FAN1: variants seen among roughly 807,000 people sequenced by gnomAD.
FAN1 encodes FANCD2 and FANCI associated nuclease 1, also known as fanconi-associated nuclease 1.
In FAN1, 91 loss-of-function variants were observed where a neutral mutation model predicts 104.9. The observed-to-expected ratio is 0.87, with a 90% confidence interval of 0.73 to 1.03. The LOEUF is 1.03. Among genes scored for constraint, FAN1 ranks in the 50% least tolerant of loss-of-function variants. FAN1 has a pLI of 0.00. For synonymous variants in FAN1, 478 were observed against 457.6 expected (o/e 1.04, Z -0.57); for missense variants, 1,263 against 1,239.9 (o/e 1.02, Z -0.28).
intron 14 of FAN1, chr15:30,940,612 A>C (rs1333373628): frequency 1.0e-6 from 1 of 984,998 alleles, no homozygotes; most frequent in Non-Finnish European, 1.2e-6. Flanking sequence ...CATAGATGGC[A>C]CTCTCCTGTC....
In FAN1 at chr15:30,910,722, A is replaced by G; in HGVS notation, c.1484A>G (p.Gln495Arg). ...HLVNPNGQKQ[Q>R]LVDAFLKLAK... ...GTGAATCCCAATGGACAGAAACAGC[A>G]GCTGGTGGACGCCTTTCTCAAATTG... Residue 495 changes from glutamine (Q) to arginine (R), a missense_variant, in exon 4 of 15, where the codon CAG becomes CGG. Physicochemically the swap from Gln to Arg is conservative, Grantham distance 43. Transcript: ENST00000362065. 2 of 1,614,168 alleles carry G rather than the reference A, an allele frequency of 1.2e-6. No individual in the cohort carries two copies. The highest frequency in any genetic ancestry group is 1.7e-6 in the Non-Finnish European group (2 of 1,180,018).
chr15:30,940,426 A>G, intron 14 of FAN1: 1 of 985,220 alleles, frequency 1.0e-6, no homozygotes, highest in Non-Finnish European at 1.2e-6. Context: ...TTTCTCCTCT[A>G]TTCCTAAGCA....
In FAN1 at chr15:30,942,276, T is replaced by TTAC. The variant is rs2063080126; in HGVS notation, c.*717_*719dup. The TTAC allele has an allele frequency of 1.5e-6, 1 of 657,690 alleles. No homozygotes were observed. 40.7% of individuals were successfully genotyped at this position (657,690 alleles called of 1,614,324 possible). On this transcript the variant is annotated 3_prime_UTR_variant, in exon 15 of 15. Coordinates refer to ENST00000362065, the MANE Select transcript of FAN1 (RefSeq NM_014967.5). ...TTATGTGTTGACTCTACCTAGGCTG[T>TTAC]TACTATCAGCCTGAATGGGGGCGGG...
intron 13 of FAN1, among the ~76,000 whole-genome samples, chr15:30,933,926 G>A (rs2062783848): frequency 6.6e-6 from 1 of 151,912 alleles, no homozygotes; most frequent in Non-Finnish European, 1.5e-5. Context: ...ATGCCCAGCT[G>A]ATTTTTTTTA....
chr15:30,936,980 T>C, intron 13 of FAN1, 139 bp from the exon 14 acceptor site: 1 of 693,628 alleles, frequency 1.4e-6, no homozygotes, highest in Admixed American at 2.8e-5. Context: ...GGACCATCCG[T>C]ATATTTGTGT....
chr15:30,915,567 G>A (rs1450853579), intron 5 of FAN1, among the ~76,000 whole-genome samples: 7 of 152,122 alleles, frequency 4.6e-5, no homozygotes, highest in African/African-American at 1.2e-4. Flanking sequence ...CCAGAAATTC[G>A]GGACTAGCCT....
Position 30,913,930 on chromosome 15 carries a change from A to G in FAN1, c.1650A>G (p.Leu550=), listed in dbSNP as rs749948343. The change falls in exon 5 of 15, where the codon CTA becomes CTG. Residue 550 remains leucine (L), a synonymous_variant. Transcript: ENST00000362065. ...GGGCTGTGTTTTCCCGCATCTTGCT[A>G]CTGTTTTCGTTGACCGACTCAATGG... ...GPRAVFSRIL[L]LFSLTDSMED... 1.1e-5 allele frequency: 17 copies of G among 1,614,178 alleles called. No individual in the cohort carries two copies. Among genetic ancestry groups the G allele is most frequent in the Non-Finnish European group, 1.3e-5 (15 of 1,180,016 alleles).
chr15:30,931,629 T>A (rs892874365), intron 13 of FAN1, among the ~76,000 whole-genome samples: 4 of 152,240 alleles, frequency 2.6e-5, no homozygotes, highest in Non-Finnish European at 5.9e-5. Context: ...TGGAATTCAT[T>A]TGTGGTGTGT....
intron 5 of FAN1, among the ~76,000 whole-genome samples, chr15:30,914,657 C>A (rs552504438): frequency 3.3e-5 from 5 of 152,260 alleles, no homozygotes; most frequent in Admixed American, 3.3e-4. Flanking sequence ...TGAACCACCG[C>A]CCTCGGCCTG....
intron 7 of FAN1, among the ~76,000 whole-genome samples, chr15:30,921,003 C>T (rs1170408605): frequency 2.0e-5 from 3 of 152,148 alleles, no homozygotes; most frequent in African/African-American, 2.4e-5. Context: ...AGGCTGATCT[C>T]GAACTCCTGG....
At position 30,928,800 on chromosome 15, in the gene FAN1, A is replaced by C. The variant is rs1027724111; in HGVS notation, c.2592+144A>C. 3 of 1,466,932 alleles carry C rather than the reference A, an allele frequency of 2.0e-6. No individual in the cohort carries two copies. The African/African-American group carries it at 4.3e-5, about 21-fold the overall frequency. 90.9% of individuals were successfully genotyped at this position (1,466,932 alleles called of 1,614,324 possible). On this transcript the variant is annotated intron_variant, in intron 11 of 14. Transcript: ENST00000362065. Reference sequence around the variant, plus strand: ...CATCCACAGGTCAAGATGATAACTTATTTTAAAAATCTGAGTAATAGAATT... The same window carrying C: ...CATCCACAGGTCAAGATGATAACTTCTTTTAAAAATCTGAGTAATAGAATT...
chr15:30,919,570 A>T (rs553440891), intron 6 of FAN1, among the ~76,000 whole-genome samples: 3 of 151,340 alleles, frequency 2.0e-5, no homozygotes, highest in African/African-American at 7.3e-5. Context: ...GAGTGTCTGT[A>T]ATCCCAGCCT....
rs577456121 is a variant in FAN1, at chr15:30,937,498, C to G, written c.*3+239C>G. On this transcript the variant is annotated intron_variant, in intron 14 of 14. Coordinates refer to ENST00000362065, the MANE Select transcript of FAN1 (RefSeq NM_014967.5). ...ACAGAGTCTCGCTCTGTCACCCAGG[C>G]TGGAGTGCAGTGGTGTGATCTCGGC... Among the ~76,000 whole-genome samples the G allele has an allele frequency of 9.6e-5, 13 of 134,966 alleles. No homozygotes were observed. In the East Asian group the frequency reaches 2.6e-3, roughly 27 times the overall value. The allele number at this position is 134,966 out of a possible 152,430, so 88.5% of individuals were successfully genotyped here.
At chr15:30,923,310 A>G (rs971888242) in intron 8 of FAN1, among the ~76,000 whole-genome samples, 1 of 152,178 alleles carries the variant, frequency 6.6e-6, no homozygotes, top group Non-Finnish European at 1.5e-5. Context: ...AAGAGAAAGC[A>G]TCTGGTAGCC....
intron 2 of FAN1, 29 bp from the exon 3 acceptor site, chr15:30,908,089 T>C (rs771990319): frequency 6.3e-7 from 1 of 1,575,092 alleles, no homozygotes; most frequent in South Asian, 1.2e-5. Flanking sequence ...ATGCAGTGAT[T>C]TTCAACATTT....
intron 5 of FAN1, among the ~76,000 whole-genome samples, chr15:30,914,729 A>G (rs1446036399): frequency 6.6e-6 from 1 of 152,218 alleles, no homozygotes; most frequent in Non-Finnish European, 1.5e-5. Flanking sequence ...TGGCATGAAC[A>G]AGACTGAATG....
intron 7 of FAN1, among the ~76,000 whole-genome samples, chr15:30,921,236 G>A (rs2062323810): frequency 6.6e-6 from 1 of 152,064 alleles, no homozygotes; most frequent in African/African-American, 2.4e-5. Context: ...TGGGGGTGGC[G>A]GCCACCATCC....
At position 30,904,621 on chromosome 15, in the gene FAN1, T is replaced by C. The variant is rs1391715165; in HGVS notation, c.-43T>C. On this transcript the variant is annotated 5_prime_UTR_variant, in exon 2 of 15. Coordinates refer to ENST00000362065, the MANE Select transcript of FAN1 (RefSeq NM_014967.5). ...CCATTGCTATCTTTCACCTTAAATA[T>C]CCTGTGTTTTATTGCTCAGAACATC... The C allele has an allele frequency of 4.4e-6, 7 of 1,585,198 alleles. No homozygotes were observed. Among genetic ancestry groups the C allele is most frequent in the Admixed American group, 3.4e-5 (2 of 59,526 alleles).
At chr15:30,938,788 T>C (rs555714264) in intron 14 of FAN1, among the ~76,000 whole-genome samples, 76 of 152,258 alleles carry the variant, frequency 5.0e-4, no homozygotes, top group African/African-American at 1.8e-3. Context: ...CACTTCCGAA[T>C]TGCTGTTAAA....
Sources: allele counts gnomAD v4.1 joint callset (sites outside exome capture counted in the v4.1 genomes callset), GRCh38; gene constraint gnomAD v4.1.1; transcripts MANE v1.5; gene names NCBI Gene and HGNC (gene_info 2026-07-23, HGNC 2026-07-21).